Variants in LMF1 observed in about 807,000 individuals in gnomAD.
LMF1 encodes transmembrane protein 112.
LMF1 carries 68 observed loss-of-function variants against 60.6 expected under a neutral mutation model. That is an observed-to-expected ratio of 1.12 (90% confidence interval 0.92 to 1.37). The LOEUF (loss-of-function observed/expected upper bound fraction) is 1.37. Among genes scored for constraint, LMF1 ranks in the 40% most tolerant of loss-of-function variants. LMF1 has a pLI of 0.00. For missense variants in LMF1, 948 were observed against 767.2 expected, an observed-to-expected ratio of 1.24 and a Z score of -2.78; for synonymous variants, 418 against 324.7, an observed-to-expected ratio of 1.29 and a Z score of -3.09.
intron 5 of LMF1, among the ~76,000 whole-genome samples, chr16:889,390 G>GGGTGTGAGGCTGCGGATGGCCA (rs2070411485): frequency 6.8e-6 from 1 of 147,650 alleles, no homozygotes; most frequent in Non-Finnish European, 1.5e-5. Flanking sequence ...GCGGATGGCC[G>GGGTGTGAGGCTGCGGATGGCCA]TGGGTGTGAG....
At chr16:872,461 C>A (rs2069826768) in intron 6 of LMF1, 1 of 152,238 alleles carries the variant, frequency 6.6e-6, no homozygotes, top group Admixed American at 6.5e-5. Flanking sequence ...TTCTGAGCCC[C>A]AAAACAGTTA....
Position 970,770 on chromosome 16 carries a change from G to A in LMF1, c.193+18C>T. 6.6e-7 allele frequency: 1 copy of A among 1,511,724 alleles called. No homozygotes were observed. The highest frequency in any genetic ancestry group is 8.9e-7 in the Non-Finnish European group (1 of 1,125,180). 93.6% of individuals were successfully genotyped at this position (1,511,724 alleles called of 1,614,324 possible). On this transcript the variant is annotated intron_variant, in intron 1 of 10. Coordinates refer to ENST00000262301, the MANE Select transcript of LMF1 (RefSeq NM_022773.4). ...GGAGGTGACACTGGCGGATGTCCCG[G>A]GCCCGCCCGGCACTCACAGTACACG...
chr16:854,188 T>C lies in LMF1; in HGVS notation c.*344A>G, dbSNP rs1567125669. On this transcript the variant is annotated 3_prime_UTR_variant, in exon 11 of 11. Transcript: ENST00000262301. ...ACCTGGCTGGGTCTATGGTCAGGGC[T>C]GTAGTGGAGGAAGGTGTCAGGATGG... The C allele has an allele frequency of 1.2e-5, 6 of 520,628 alleles. No homozygotes were observed. The highest frequency in any genetic ancestry group is 9.2e-5 in the South Asian group (6 of 65,016). 32.3% of individuals were successfully genotyped at this position (520,628 alleles called of 1,614,324 possible).
intron 3 of LMF1, among the ~76,000 whole-genome samples, chr16:922,617 G>GGCATC (rs2071465244): frequency 6.9e-6 from 1 of 145,566 alleles, no homozygotes; most frequent in African/African-American, 2.5e-5. Context: ...ATGTGGTGTT[G>GGCATC]GTGCGTGTTG....
At chr16:871,449 C>A in intron 6 of LMF1, 108 bp from the exon 7 acceptor site, 2 of 1,141,554 alleles carry the variant, frequency 1.8e-6, no homozygotes, top group Admixed American at 2.4e-5. Flanking sequence ...CTGCACCCAG[C>A]TCTGCCCTTG....
At position 871,197 on chromosome 16, in the gene LMF1, T is replaced by C. The variant is rs781286786; in HGVS notation, c.1042A>G (p.Arg348Gly). Reference sequence around the variant, plus strand: ...TCGGGCCGGGCCCCTCGGATGTCCCTCTGCATCTGCAGAACTCGGTCCTTC... The same window carrying C: ...TCGGGCCGGGCCCCTCGGATGTCCCCCTGCATCTGCAGAACTCGGTCCTTC... ...SLKDRVLQMQ[R>G]DIRGARPEPR... The change falls in exon 7 of 11, where the codon AGG becomes GGG. Residue 348 changes from arginine to glycine, a missense_variant. Transcript: ENST00000262301. 2.8e-5 allele frequency: 45 copies of C among 1,609,728 alleles called. No homozygotes were observed. Among genetic ancestry groups the C allele is most frequent in the African/African-American group, 4.0e-5 (3 of 74,894 alleles).
chr16:890,483 C>T (rs942328348), intron 5 of LMF1, among the ~76,000 whole-genome samples: 1 of 152,170 alleles, frequency 6.6e-6, no homozygotes, highest in African/African-American at 2.4e-5. Context: ...CCCTGGACCC[C>T]GTGTGACCAT....
At chr16:886,370 C>A (rs936186448) in intron 5 of LMF1, among the ~76,000 whole-genome samples, 2 of 152,262 alleles carry the variant, frequency 1.3e-5, no homozygotes, top group Middle Eastern at 3.4e-3. Context: ...CCAGGACAAG[C>A]GGGAAATCCA....
In LMF1 at chr16:879,785, C is replaced by T. The variant is rs550163790; in HGVS notation, c.730-48G>A. 161 of 1,532,468 alleles carry T rather than the reference C, an allele frequency of 1.1e-4. 1 individual carries two copies. The Middle Eastern group carries it at 2.0e-3, about 19-fold the overall frequency. The allele number at this position is 1,532,468 out of a possible 1,614,324, so 94.9% of individuals were successfully genotyped here. ...GAGGTGCCTGGCCGATCTCGGGGGG[C>T]GGGGCTAGGGAGAGGCTTGTGGGTC... On this transcript the variant is annotated intron_variant, in intron 5 of 10. Coordinates refer to ENST00000262301, the MANE Select transcript of LMF1 (RefSeq NM_022773.4).
chr16:910,659 CCT>C lies in LMF1; in HGVS notation c.663+270_663+271del, dbSNP rs571907365. On this transcript the variant is annotated intron_variant, in intron 4 of 10. Coordinates refer to ENST00000262301, the MANE Select transcript of LMF1 (RefSeq NM_022773.4). ...TGGGGGAAGCAGGGCGTCCAGTGCT[CCT>C]CTCTGAGTCTCCTCCTGAAACAGAC... Among the ~76,000 whole-genome samples the C allele has an allele frequency of 2.2e-4, 34 of 152,256 alleles. 3 individuals are homozygous for C. In the South Asian group the frequency reaches 4.6e-3, roughly 20 times the overall value.
rs569373415 is a variant in LMF1, at chr16:854,406, C to T, written c.*126G>A. ...CCACCCTGGACCCCCGTGCTGGGGG[C>T]TGGGTCCCACCGCTCTCCTCTCCAC... On this transcript the variant is annotated 3_prime_UTR_variant, in exon 11 of 11. Transcript: ENST00000262301. 2.5e-4 allele frequency: 244 copies of T among 980,114 alleles called. No individual in the cohort carries two copies. Among genetic ancestry groups the T allele is most frequent in the Admixed American group, 2.2e-3 (108 of 48,466 alleles). The allele number at this position is 980,114 out of a possible 1,614,324, so 60.7% of individuals were successfully genotyped here.
In LMF1 at chr16:893,240, T is replaced by C. The variant is rs929033741; in HGVS notation, c.664-168A>G. 44 of 696,388 alleles carry C rather than the reference T, an allele frequency of 6.3e-5. No individual in the cohort carries two copies. In the East Asian group the frequency reaches 1.2e-3, roughly 18 times the overall value. 43.1% of individuals were successfully genotyped at this position (696,388 alleles called of 1,614,324 possible). On this transcript the variant is annotated intron_variant, in intron 4 of 10. Coordinates refer to ENST00000262301, the MANE Select transcript of LMF1 (RefSeq NM_022773.4). ...GTATGAAACACTCAGGAAGGCAGAATTTGAGAAGGGCAGATTCAGGGCTGC... is the reference window on the plus strand; with the variant it reads ...GTATGAAACACTCAGGAAGGCAGAACTTGAGAAGGGCAGATTCAGGGCTGC...
chr16:952,692 A>G, intron 2 of LMF1: 1 of 153,914 alleles, frequency 6.5e-6, no homozygotes, highest in Non-Finnish European at 1.5e-5. Flanking sequence ...TCTCCATGCA[A>G]AGCCCAGCTG....
intron 10 of LMF1, among the ~76,000 whole-genome samples, chr16:856,887 T>C (rs7195271): frequency 0.028 from 4,285 of 152,292 alleles, 172 homozygotes; most frequent in African/African-American, 0.089. Context: ...TAGTAGGGAT[T>C]GCAGCCAGGG....
intron 5 of LMF1, among the ~76,000 whole-genome samples, chr16:888,255 C>T (rs759685437): frequency 2.8e-4 from 43 of 152,306 alleles, no homozygotes; most frequent in Non-Finnish European, 4.1e-4. Flanking sequence ...TGCCCTGTGC[C>T]GCGTCTGGGA....
chr16:882,873 G>C (rs924055995), intron 5 of LMF1, among the ~76,000 whole-genome samples: 2 of 147,022 alleles, frequency 1.4e-5, no homozygotes, highest in Non-Finnish European at 3.0e-5. Flanking sequence ...CGCAGGACCA[G>C]GAGAAAGAGG....
chr16:862,254 C>A (rs1165061628), intron 10 of LMF1, among the ~76,000 whole-genome samples: 1 of 151,600 alleles, frequency 6.6e-6, no homozygotes, highest in Non-Finnish European at 1.5e-5. Flanking sequence ...CTGCTTACTG[C>A]AACCTCCACC....
intron 1 of LMF1, chr16:976,061 G>A (rs541028848): frequency 3.0e-5 from 11 of 371,432 alleles, no homozygotes; most frequent in Non-Finnish European, 5.6e-5. Context: ...ACGGACACAG[G>A]TCTTGGCAGC....
intron 10 of LMF1, among the ~76,000 whole-genome samples, chr16:863,849 C>G (rs1437591506): frequency 1.3e-5 from 2 of 152,192 alleles, no homozygotes; most frequent in Middle Eastern, 6.3e-3. Context: ...TCTCAGGTCT[C>G]TTTTCTAATG....
Sources: allele counts gnomAD v4.1 joint callset (sites outside exome capture counted in the v4.1 genomes callset), GRCh38; gene constraint gnomAD v4.1.1; transcripts MANE v1.5; gene names NCBI Gene and HGNC (gene_info 2026-07-23, HGNC 2026-07-21).